The following ARID1B variants were observed in gnomAD, a reference collection of about 807,000 sequenced individuals.
ARID1B encodes AT-rich interactive domain-containing protein 1B.
Under a neutral mutation model 212.3 loss-of-function variants are expected in ARID1B, and 30 were observed. That is an observed-to-expected ratio of 0.14 (90% CI 0.11 to 0.19). The LOEUF is 0.19. Among genes scored for constraint, ARID1B ranks in the 10% least tolerant of loss-of-function variants. The pLI is 1.00. For synonymous variants in ARID1B, 1,402 were observed against 1,301.7 expected (o/e 1.08, Z -1.66); for missense variants, 2,891 against 3,204.0 (o/e 0.90, Z 2.36).
intron 3 of ARID1B, among the ~76,000 whole-genome samples, chr6:156,927,826 C>T (rs1279877688): frequency 6.6e-6 from 1 of 152,186 alleles, no homozygotes; most frequent in Non-Finnish European, 1.5e-5. Context: ...CAGTACCCAT[C>T]CTTGCTGGGC....
At chr6:157,097,424 C>T (rs561407637) in intron 5 of ARID1B, among the ~76,000 whole-genome samples, 30 of 152,306 alleles carry the variant, frequency 2.0e-4, no homozygotes, top group East Asian at 7.7e-4. Flanking sequence ...TGATTGACCA[C>T]GTGTGCCACC....
intron 1 of ARID1B, among the ~76,000 whole-genome samples, chr6:156,821,145 C>A (rs1381605357): frequency 6.6e-6 from 1 of 152,148 alleles, no homozygotes; most frequent in Non-Finnish European, 1.5e-5. Flanking sequence ...GAATGGTGAT[C>A]AGAAATAAGC....
At chr6:156,909,017 G>T (rs920112821) in intron 3 of ARID1B, among the ~76,000 whole-genome samples, 1 of 150,866 alleles carries the variant, frequency 6.6e-6, no homozygotes, top group Non-Finnish European at 1.5e-5. Flanking sequence ...CTCCTCTTCC[G>T]ACTTTCTTCA....
chr6:156,990,404 A>G (rs1583093033), intron 4 of ARID1B, among the ~76,000 whole-genome samples: 1 of 151,984 alleles, frequency 6.6e-6, no homozygotes, highest in East Asian at 1.9e-4. Flanking sequence ...GCACTTTGGG[A>G]GGCCAAGGCA....
At chr6:156,837,741 G>A (rs1194547653) in intron 2 of ARID1B, among the ~76,000 whole-genome samples, 1 of 152,192 alleles carries the variant, frequency 6.6e-6, no homozygotes, top group African/African-American at 2.4e-5. Flanking sequence ...GAAGATGGGT[G>A]GGAGCATGTG....
At chr6:156,822,599 G>A (rs1782432617) in intron 1 of ARID1B, among the ~76,000 whole-genome samples, 1 of 152,242 alleles carries the variant, frequency 6.6e-6, no homozygotes, top group South Asian at 2.1e-4. Flanking sequence ...CAAGGGAAGA[G>A]TCTTTAGTGC....
At chr6:157,042,802 A>T (rs1427738640) in intron 4 of ARID1B, among the ~76,000 whole-genome samples, 2 of 151,590 alleles carry the variant, frequency 1.3e-5, no homozygotes, top group Non-Finnish European at 2.9e-5. Flanking sequence ...GGGAATACAG[A>T]CCTGTGCCAC....
chr6:156,777,168 C>A (rs1778669943), upstream of ARID1B: 2 of 151,656 alleles, frequency 1.3e-5, no homozygotes, highest in African/African-American at 4.8e-5. Flanking sequence ...AGGTTCCGGC[C>A]GCCCCACGCC....
At chr6:156,977,335 T>C (rs573450806) in intron 4 of ARID1B, among the ~76,000 whole-genome samples, 1 of 151,652 alleles carries the variant, frequency 6.6e-6, no homozygotes, top group South Asian at 2.1e-4. Flanking sequence ...ATATTAGACC[T>C]ACCCTGAAGT....
chr6:156,901,250 A>G (rs2128210419), intron 2 of ARID1B, 126 bp from the exon 3 acceptor site: 1 of 1,060,284 alleles, frequency 9.4e-7, no homozygotes, highest in East Asian at 2.6e-5. Context: ...GGAAGAGAGG[A>G]TTAGAAATAT....
chr6:156,881,158 C>T (rs993243491), intron 2 of ARID1B, among the ~76,000 whole-genome samples: 4 of 152,196 alleles, frequency 2.6e-5, no homozygotes, highest in Non-Finnish European at 5.9e-5. Context: ...GTGGGGCCTG[C>T]ATGGCTGGGA....
intron 4 of ARID1B, among the ~76,000 whole-genome samples, chr6:156,982,761 C>T (rs924291663): frequency 6.6e-6 from 1 of 151,928 alleles, no homozygotes; most frequent in Non-Finnish European, 1.5e-5. Flanking sequence ...TTCTTTATTT[C>T]CTGTATGCAA....
At chr6:157,108,553 G>A (rs1786658809) in intron 5 of ARID1B, among the ~76,000 whole-genome samples, 1 of 152,112 alleles carries the variant, frequency 6.6e-6, no homozygotes, top group South Asian at 2.1e-4. Flanking sequence ...TTTCTAAATG[G>A]ACTATAGATT....
chr6:157,104,753 T>A (rs181351342), intron 5 of ARID1B, among the ~76,000 whole-genome samples: 213 of 152,322 alleles, frequency 1.4e-3, no homozygotes, highest in Non-Finnish European at 2.5e-3. Flanking sequence ...AAATGAAAGA[T>A]GTCTCTTGTT....
intron 19 of ARID1B, 63 bp downstream of exon 19, chr6:157,204,059 T>C: frequency 6.3e-7 from 1 of 1,598,622 alleles, no homozygotes; most frequent in Non-Finnish European, 8.6e-7. Context: ...CCATGCACAT[T>C]TGTGCTTGAA....
At chr6:156,968,049 C>A (rs1251303046) in intron 4 of ARID1B, among the ~76,000 whole-genome samples, 1 of 152,198 alleles carries the variant, frequency 6.6e-6, no homozygotes, top group East Asian at 1.9e-4. Context: ...CTTTCCCGGT[C>A]CCTGTCTGCA....
At position 157,058,555 on chromosome 6, in the gene ARID1B, G is replaced by A. The variant is rs770165758; in HGVS notation, c.2248-26107G>A. On this transcript the variant is annotated intron_variant, in intron 4 of 19. Transcript: ENST00000636930. The stretch of plus-strand genomic sequence containing the variant: ...GCTGGGATTACAGGCGTGAGCCACC[G>A]CGCCCAGCCCTACTTTATCTTAATC... Among the ~76,000 whole-genome samples, 5 of 152,296 alleles carry A rather than the reference G, an allele frequency of 3.3e-5. No homozygotes were observed. The East Asian group carries it at 5.8e-4, about 18-fold the overall frequency.
intron 6 of ARID1B, among the ~76,000 whole-genome samples, chr6:157,122,345 T>C (rs1338195828): frequency 6.6e-6 from 1 of 152,204 alleles, no homozygotes; most frequent in Non-Finnish European, 1.5e-5. Context: ...CACAAGAGAA[T>C]GCCCCTAAAT....
intron 1 of ARID1B, among the ~76,000 whole-genome samples, chr6:156,817,246 G>A (rs1202448086): frequency 6.6e-6 from 1 of 151,982 alleles, no homozygotes; most frequent in African/African-American, 2.4e-5. Context: ...CAGGCGTGGT[G>A]GGCAGGAGAA....
Sources: allele counts gnomAD v4.1 joint callset (sites outside exome capture counted in the v4.1 genomes callset), GRCh38; gene constraint gnomAD v4.1.1; transcripts MANE v1.5; gene names NCBI Gene and HGNC (gene_info 2026-07-23, HGNC 2026-07-21).